The following GPR55 variants were observed in gnomAD, a reference collection of about 807,000 sequenced individuals.
GPR55 encodes G protein-coupled receptor 55.
Under a neutral mutation model 7.9 loss-of-function variants are expected in GPR55, and 6 were observed. The ratio of observed to expected loss-of-function variants is 0.76; its 90% CI spans 0.41 to 1.49. The LOEUF is 1.49. Among genes scored for constraint, GPR55 ranks in the 40% most tolerant of loss-of-function variants. GPR55 has a pLI of 0.01. For missense variants in GPR55, 376 were observed against 406.0 expected (o/e 0.93, Z 0.63); for synonymous variants, 183 against 166.8 (o/e 1.10, Z -0.75).
At chr2:230,914,561 G>A (rs993678179) in intron 1 of GPR55, among the ~76,000 whole-genome samples, 1 of 151,800 alleles carries the variant, frequency 6.6e-6, no homozygotes, top group African/African-American at 2.4e-5. Context: ...ATAAAAAAAA[G>A]GCATCAATGC....
chr2:230,942,174 C>T (rs1045697073), intron 1 of GPR55, among the ~76,000 whole-genome samples: 3 of 152,316 alleles, frequency 2.0e-5, no homozygotes, highest in East Asian at 1.9e-4. Context: ...AGCAAGAATA[C>T]GTTCAGAGGG....
chr2:230,950,574 C>T (rs1158481432), intron 1 of GPR55, among the ~76,000 whole-genome samples: 3 of 152,114 alleles, frequency 2.0e-5, no homozygotes, highest in African/African-American at 2.4e-5. Context: ...AATAGAGATT[C>T]GCGACACTGG....
chr2:230,948,365 C>T (rs1691351117), intron 1 of GPR55, among the ~76,000 whole-genome samples: 1 of 152,204 alleles, frequency 6.6e-6, no homozygotes, highest in Non-Finnish European at 1.5e-5. Flanking sequence ...CTCCCAACCG[C>T]ACTGACCTGG....
intron 1 of GPR55, among the ~76,000 whole-genome samples, chr2:230,917,602 G>T (rs1196459868): frequency 1.3e-5 from 2 of 152,148 alleles, no homozygotes; most frequent in Non-Finnish European, 2.9e-5. Context: ...GAGCCCAGGA[G>T]TTTGAGATCA....
In GPR55 at chr2:230,948,856, T is replaced by C. The variant is rs146723138; in HGVS notation, c.-135+11919A>G. Among the ~76,000 whole-genome samples, 706 of 152,314 alleles carry C rather than the reference T, an allele frequency of 4.6e-3. 3 individuals carry two copies. The highest frequency in any genetic ancestry group is 0.016 in the African/African-American group (660 of 41,570). ...ACTTTGGGAGGCAGGGGCAGGAGGA[T>C]TGCTTGAGCTCAGGAGTTTGAGACT... On this transcript the variant is annotated intron_variant, in intron 1 of 1. Transcript: ENST00000392039.
At chr2:230,926,682 CTTTTTTTTTTT>C (rs56318183), upstream of GPR55, among the ~76,000 whole-genome samples, 1 of 100,942 alleles carries the variant, frequency 9.9e-6, no homozygotes, top group Non-Finnish European at 1.9e-5. Context: ...TGGCTACCTT[CTTTTTTTTTTT>C]TTTTTTTTTT....
intron 1 of GPR55, among the ~76,000 whole-genome samples, chr2:230,956,992 C>A (rs770033348): frequency 1.3e-5 from 2 of 151,846 alleles, no homozygotes; most frequent in Non-Finnish European, 2.9e-5. Flanking sequence ...AGCCTGACTG[C>A]CGCCAATCAG....
rs756246428 is a variant in GPR55 at position 230,910,948 on chromosome 2, G to A, written c.15C>T (p.Asn5=). 8 of 1,599,564 alleles carry A rather than the reference G, an allele frequency of 5.0e-6. No homozygotes were observed. The highest frequency in any genetic ancestry group is 6.0e-6 in the Non-Finnish European group (7 of 1,169,332). MSQQ[N]TSGDCLFDGV... ...CGTCAAACAGGCAGTCCCCACTGGTGTTTTGCTGACTCATGTTTCTTCCTA... is the reference window on the plus strand; with the variant it reads ...CGTCAAACAGGCAGTCCCCACTGGTATTTTGCTGACTCATGTTTCTTCCTA... Residue 5 remains asparagine, a synonymous_variant, in exon 2 of 2, where the codon AAC becomes AAT. Coordinates refer to ENST00000650999, the MANE Select transcript of GPR55 (RefSeq NM_005683.4). The surrounding 1 kb of genome is among the most constrained non-coding windows in gnomAD (Gnocchi z 5.4).
At chr2:230,939,285 C>G (rs377162721) in intron 1 of GPR55, among the ~76,000 whole-genome samples, 1 of 152,186 alleles carries the variant, frequency 6.6e-6, no homozygotes, top group South Asian at 2.1e-4. Context: ...CAGCTCTGCC[C>G]GCAGTCAACC....
chr2:230,916,891 G>GA (rs1010214436), intron 1 of GPR55, among the ~76,000 whole-genome samples: 9 of 152,108 alleles, frequency 5.9e-5, no homozygotes, highest in Non-Finnish European at 7.4e-5. Context: ...CAATAAGTGT[G>GA]AAAAAATTCA....
At chr2:230,931,764 C>T (rs1370256774) in intron 1 of GPR55, among the ~76,000 whole-genome samples, 1 of 152,116 alleles carries the variant, frequency 6.6e-6, no homozygotes. Flanking sequence ...ATGCGGGGCC[C>T]CTCTGCTCCC....
At chr2:230,939,326 G>A (rs909208830) in intron 1 of GPR55, among the ~76,000 whole-genome samples, 3 of 152,214 alleles carry the variant, frequency 2.0e-5, no homozygotes, top group Admixed American at 1.3e-4. Flanking sequence ...TGGGGGAGCT[G>A]GGAGATGTCA....
chr2:230,948,583 G>A (rs1340064096), intron 1 of GPR55, among the ~76,000 whole-genome samples: 2 of 152,158 alleles, frequency 1.3e-5, no homozygotes, highest in African/African-American at 4.8e-5. Flanking sequence ...GGCAGGCATG[G>A]TGAAGAGTCA....
upstream of GPR55, among the ~76,000 whole-genome samples, chr2:230,929,343 T>C (rs901642919): frequency 6.6e-6 from 1 of 152,114 alleles, no homozygotes; most frequent in African/African-American, 2.4e-5. Flanking sequence ...ATAATCCCCC[T>C]TAGCAATTGA....
upstream of GPR55, among the ~76,000 whole-genome samples, chr2:230,929,414 A>C (rs555595455): frequency 4.8e-4 from 73 of 152,348 alleles, 3 homozygotes; most frequent in South Asian, 0.015. Context: ...ATGTCAAGGC[A>C]GAAGGGAGTA....
chr2:230,925,558 G>A (rs536204324), upstream of GPR55, among the ~76,000 whole-genome samples: 3 of 152,270 alleles, frequency 2.0e-5, no homozygotes, highest in East Asian at 5.8e-4. Flanking sequence ...GGAGGAGGAA[G>A]CCTCCTACGC....
rs114368120 is a variant in GPR55, at chr2:230,937,088, C to T, written c.-135+23687G>A. On this transcript the variant is annotated intron_variant, in intron 1 of 1. Transcript: ENST00000392039. ...GATTCTGATTTTCAGTTGGGCTGTA[C>T]GACTGGAAACATTAAGTAAAAATGT... Among the ~76,000 whole-genome samples, 369 of 152,114 alleles carry T rather than the reference C, an allele frequency of 2.4e-3. 1 individual carries two copies. Among genetic ancestry groups the T allele is most frequent in the African/African-American group, 6.9e-3 (288 of 41,464 alleles).
At position 230,910,525 on chromosome 2, in the gene GPR55, C is replaced by G; in HGVS notation, c.438G>C (p.Trp146Cys). The G allele has an allele frequency of 6.2e-7, 1 of 1,614,106 alleles. No homozygotes were observed. Reference protein sequence around the residue: ...RKIFGICCTIWVLVWTGSIPI... With the variant: ...RKIFGICCTICVLVWTGSIPI... ...GGATGCTTCCGGTCCACACCAGGAC[C>G]CAGATGGTGCAGCAGATCCCAAAGA... The change falls in exon 2 of 2, where the codon TGG (tryptophan) becomes TGC (cysteine). Residue 146 changes from tryptophan (W) to cysteine (C), a missense_variant. Trp to Cys is a radical substitution (Grantham distance 215). Transcript: ENST00000650999. This position sits in a 1 kb window ranked among gnomAD's most constrained non-coding sequence, Gnocchi z 5.4.
At chr2:230,945,973 G>C (rs955199488) in intron 1 of GPR55, among the ~76,000 whole-genome samples, 1 of 152,182 alleles carries the variant, frequency 6.6e-6, no homozygotes, top group Non-Finnish European at 1.5e-5. Flanking sequence ...AACAGCCTAA[G>C]TGTCCATCAG....
Sources: gnomAD v4.1 joint callset for allele counts (sites outside exome capture counted in the v4.1 genomes callset) on GRCh38, gnomAD v4.1.1 for gene constraint, Gnocchi (gnomAD v3.1) non-coding constraint, MANE v1.5 for transcripts, NCBI Gene and HGNC (gene_info 2026-07-23, HGNC 2026-07-21) for gene names.